SEMA3E: variants seen among roughly 807,000 people sequenced by gnomAD.
SEMA3E encodes semaphorin-3E.
Under a neutral mutation model 93.6 loss-of-function variants are expected in SEMA3E, and 49 were observed. The observed-to-expected ratio is 0.52, with a 90% CI of 0.42 to 0.66. SEMA3E has a LOEUF of 0.66. Among genes scored for constraint, SEMA3E ranks in the 30% least tolerant of loss-of-function variants. The pLI, the probability that SEMA3E is intolerant of heterozygous loss-of-function variation, is 0.00. For synonymous variants in SEMA3E, 363 were observed against 330.7 expected (o/e 1.10, Z -1.06); for missense variants, 906 against 964.8 (o/e 0.94, Z 0.81).
In SEMA3E at chr7:83,476,590, G is replaced by A. The variant is rs141310322; in HGVS notation, c.277-7288C>T. Among the ~76,000 whole-genome samples the A allele has an allele frequency of 2.8e-3, 422 of 152,284 alleles. 3 individuals carry two copies. Among genetic ancestry groups the A allele is most frequent in the African/African-American group, 9.4e-3 (389 of 41,578 alleles). ...AATAGGCTCAGGACTGCAACCAAAC[G>A]TTAACTCAGGTGACAATATATGGCA... On this transcript the variant is annotated intron_variant, in intron 2 of 16. Coordinates refer to ENST00000643230, the MANE Select transcript of SEMA3E (RefSeq NM_012431.3).
chr7:83,445,377 G>T (rs1789204539), intron 4 of SEMA3E, among the ~76,000 whole-genome samples: 1 of 152,196 alleles, frequency 6.6e-6, no homozygotes, highest in South Asian at 2.1e-4. Flanking sequence ...GAAAAAAAAG[G>T]ATATTTGGTG....
chr7:83,562,779 A>G (rs1274231162), intron 1 of SEMA3E, among the ~76,000 whole-genome samples: 3 of 152,132 alleles, frequency 2.0e-5, no homozygotes, highest in Non-Finnish European at 4.4e-5. Flanking sequence ...TAGTAGCGCG[A>G]AGAAGAATCA....
In SEMA3E at chr7:83,573,654, G is replaced by T. The variant is rs190525457; in HGVS notation, c.115+74774C>A. 2.8e-3 allele frequency among the ~76,000 whole-genome samples: 428 copies of T among 151,976 alleles called. 1 individual carries two copies. Among genetic ancestry groups the T allele is most frequent in the African/African-American group, 9.8e-3 (406 of 41,516 alleles). ...TTGCAATTAAATCTTCAAAATTAGG[G>T]CATTTCAGATTACTTAATATCTATT... On this transcript the variant is annotated intron_variant, in intron 1 of 16. Transcript: ENST00000643230.
intron 1 of SEMA3E, among the ~76,000 whole-genome samples, chr7:83,521,701 T>C (rs144876606): frequency 0.011 from 1,738 of 152,152 alleles, 39 homozygotes; most frequent in African/African-American, 0.039. Context: ...TGTCTTCTGG[T>C]GTTGTCCTCA....
chr7:83,533,314 G>A (rs1791343099), intron 1 of SEMA3E, among the ~76,000 whole-genome samples: 1 of 152,042 alleles, frequency 6.6e-6, no homozygotes, highest in Non-Finnish European at 1.5e-5. Context: ...GGCCAAGGTG[G>A]GCAGATCACT....
intron 4 of SEMA3E, among the ~76,000 whole-genome samples, chr7:83,458,063 ATATAT>A (rs889649799): frequency 1.6e-4 from 24 of 151,628 alleles, no homozygotes; most frequent in African/African-American, 1.2e-4. Flanking sequence ...TTTTTTCAAA[ATATAT>A]TATATCTGAT....
intron 1 of SEMA3E, among the ~76,000 whole-genome samples, chr7:83,541,642 G>A (rs182848531): frequency 3.9e-5 from 6 of 152,160 alleles, no homozygotes; most frequent in African/African-American, 7.2e-5. Flanking sequence ...GCTTAACTTT[G>A]CCCTCTTTAA....
chr7:83,580,599 A>G (rs1042802289), intron 1 of SEMA3E, among the ~76,000 whole-genome samples: 11 of 151,962 alleles, frequency 7.2e-5, no homozygotes, highest in Admixed American at 3.3e-4. Context: ...TCTCCTTCAT[A>G]TAGCTAATTC....
chr7:83,585,077 C>G (rs1017116218), intron 1 of SEMA3E, among the ~76,000 whole-genome samples: 1 of 152,074 alleles, frequency 6.6e-6, no homozygotes, highest in East Asian at 1.9e-4. Flanking sequence ...CATTCTCTGG[C>G]CTTAGGTTAT....
chr7:83,549,064 C>A (rs546888302), intron 1 of SEMA3E, among the ~76,000 whole-genome samples: 257 of 152,190 alleles, frequency 1.7e-3, no homozygotes, highest in African/African-American at 6.0e-3. Flanking sequence ...AAGGACAAAA[C>A]AGAAACTAAT....
At chr7:83,380,463 C>A (rs1418648137) in intron 16 of SEMA3E, among the ~76,000 whole-genome samples, 1 of 151,848 alleles carries the variant, frequency 6.6e-6, no homozygotes, top group Non-Finnish European at 1.5e-5. Context: ...CTCATTTTTG[C>A]ATCCTCATTT....
intron 1 of SEMA3E, among the ~76,000 whole-genome samples, chr7:83,616,927 G>T (rs192270941): frequency 6.6e-6 from 1 of 151,950 alleles, no homozygotes; most frequent in Non-Finnish European, 1.5e-5. Context: ...GTTTCACCAC[G>T]TTGGCCAGGC....
intron 16 of SEMA3E, among the ~76,000 whole-genome samples, chr7:83,378,068 C>T (rs1297011224): frequency 2.6e-5 from 4 of 151,636 alleles, no homozygotes; most frequent in Non-Finnish European, 5.9e-5. Context: ...TTGTCCTCTG[C>T]TATTACAGAA....
intron 1 of SEMA3E, among the ~76,000 whole-genome samples, chr7:83,647,831 A>G (rs1794098815): frequency 6.6e-6 from 1 of 152,230 alleles, no homozygotes; most frequent in Admixed American, 6.5e-5. Context: ...CCACACATGA[A>G]AAAATTCTAA....
chr7:83,603,484 C>A (rs1793041067), intron 1 of SEMA3E, among the ~76,000 whole-genome samples: 1 of 151,936 alleles, frequency 6.6e-6, no homozygotes, highest in Non-Finnish European at 1.5e-5. Flanking sequence ...ATTAACAAAG[C>A]TAATACTACT....
At chr7:83,596,083 T>G (rs933903755) in intron 1 of SEMA3E, among the ~76,000 whole-genome samples, 2 of 152,064 alleles carry the variant, frequency 1.3e-5, no homozygotes, top group African/African-American at 2.4e-5. Context: ...CTTCTCTCAT[T>G]TACTTCTTTA....
chr7:83,461,343 G>T (rs1431443462), intron 4 of SEMA3E, among the ~76,000 whole-genome samples: 1 of 151,878 alleles, frequency 6.6e-6, no homozygotes, highest in Admixed American at 6.6e-5. Flanking sequence ...TCCTCCCCAG[G>T]CTGCTCCTCG....
chr7:83,564,471 G>C (rs985721637), intron 1 of SEMA3E, among the ~76,000 whole-genome samples: 2 of 151,992 alleles, frequency 1.3e-5, no homozygotes, highest in Non-Finnish European at 2.9e-5. Context: ...CCATGGCCAA[G>C]TTTTACTGTG....
chr7:83,584,204 A>T (rs776354510), intron 1 of SEMA3E, among the ~76,000 whole-genome samples: 2 of 152,120 alleles, frequency 1.3e-5, no homozygotes, highest in Non-Finnish European at 2.9e-5. Context: ...ACTTTTTTTC[A>T]TATGTTCTTT....
Sources: allele counts gnomAD v4.1 joint callset (sites outside exome capture counted in the v4.1 genomes callset), GRCh38; gene constraint gnomAD v4.1.1; transcripts MANE v1.5; gene names NCBI Gene and HGNC (gene_info 2026-07-23, HGNC 2026-07-21).